The following ITFG1 variants were observed in gnomAD, a reference collection of about 807,000 sequenced individuals.
ITFG1 encodes the protein integrin alpha FG-GAP repeat containing 1.
ITFG1 carries 34 observed loss-of-function variants against 81.8 expected under a neutral mutation model. The observed-to-expected ratio is 0.42, with a 90% confidence interval of 0.32 to 0.55. The LOEUF is 0.55. Among genes scored for constraint, ITFG1 ranks in the 20% least tolerant of loss-of-function variants. ITFG1 has a pLI of 0.17. For synonymous variants in ITFG1, 285 were observed against 270.6 expected (o/e 1.05, Z -0.52); for missense variants, 672 against 755.4 (o/e 0.89, Z 1.29).
chr16:47,266,684 C>A (rs574662685), intron 10 of ITFG1, among the ~76,000 whole-genome samples: 1 of 152,266 alleles, frequency 6.6e-6, no homozygotes, highest in South Asian at 2.1e-4. Flanking sequence ...AAATTTGACA[C>A]AGGATTTTAT....
chr16:47,157,933 A>G (rs185105266), intron 17 of ITFG1, among the ~76,000 whole-genome samples: 61 of 152,340 alleles, frequency 4.0e-4, no homozygotes, highest in African/African-American at 1.4e-3. Flanking sequence ...TTTTTCACAT[A>G]TATCTAAACT....
rs769782922 is a variant in ITFG1, at chr16:47,461,012, C to A, written c.34G>T (p.Ala12Ser). The change falls in exon 1 of 18, where the codon GCC becomes TCC. Residue 12 changes from alanine (A) to serine (S), a missense_variant. Physicochemically the swap from Ala to Ser is moderately conservative, Grantham distance 99 (BLOSUM62 1). Coordinates refer to ENST00000320640, the MANE Select transcript of ITFG1 (RefSeq NM_030790.5). ...CCTGCGAGGAGCGGCGAGAAGAGGG[C>A]CCAGGAGCTCGGGAGCCGGCCCGCC... ...AAAGRLPSSW[A>S]LFSPLLAGLA... 1.3e-6 allele frequency: 2 copies of A among 1,552,890 alleles called. No homozygotes were observed. The highest frequency in any genetic ancestry group is 8.7e-7 in the Non-Finnish European group (1 of 1,150,062).
chr16:47,396,244 A>G, intron 6 of ITFG1: 1 of 782,920 alleles, frequency 1.3e-6, no homozygotes, highest in Non-Finnish European at 1.5e-6. Flanking sequence ...GAGTAGGTAC[A>G]GCTGTTAGCT....
intron 6 of ITFG1, among the ~76,000 whole-genome samples, chr16:47,391,183 C>T (rs1968525650): frequency 6.6e-6 from 1 of 152,086 alleles, no homozygotes; most frequent in Non-Finnish European, 1.5e-5. Flanking sequence ...GATCAGGTTA[C>T]TCAGGGAAAT....
intron 8 of ITFG1, among the ~76,000 whole-genome samples, chr16:47,349,954 A>G (rs1421059271): frequency 1.3e-5 from 2 of 152,244 alleles, no homozygotes; most frequent in African/African-American, 2.4e-5. Context: ...CTGCTCCTGA[A>G]TGACTACTAG....
chr16:47,193,055 T>C (rs1965312321), intron 14 of ITFG1, among the ~76,000 whole-genome samples: 1 of 152,184 alleles, frequency 6.6e-6, no homozygotes, highest in South Asian at 2.1e-4. Flanking sequence ...TCTTCATTCT[T>C]TGATGGATCT....
intron 8 of ITFG1, among the ~76,000 whole-genome samples, chr16:47,319,220 C>T (rs772397888): frequency 1.1e-4 from 16 of 152,154 alleles, no homozygotes; most frequent in Non-Finnish European, 2.2e-4. Flanking sequence ...ACTACAATCT[C>T]ATCACAAAAG....
intron 9 of ITFG1, chr16:47,312,122 T>C (rs1465745210): frequency 2.0e-5 from 3 of 152,228 alleles, no homozygotes; most frequent in African/African-American, 7.2e-5. Context: ...AAATGAGCTT[T>C]GGGAATCCCT....
At chr16:47,291,467 T>C (rs1300179055) in intron 10 of ITFG1, among the ~76,000 whole-genome samples, 1 of 152,206 alleles carries the variant, frequency 6.6e-6, no homozygotes, top group African/African-American at 2.4e-5. Context: ...GATTCCTGAA[T>C]TGAAACGTCC....
chr16:47,249,205 G>A (rs1225010210), intron 12 of ITFG1, among the ~76,000 whole-genome samples: 1 of 152,196 alleles, frequency 6.6e-6, no homozygotes, highest in African/African-American at 2.4e-5. Flanking sequence ...ATCACTTGAA[G>A]TCAGGAGTTT....
rs1359996189 is a variant in ITFG1 at position 47,186,806 on chromosome 16, A to T, written c.1454-24142T>A. ...AAATAAAGGGTATTCAATTAGGAAA[A>T]GAGGAAGTCAAATTGTCCCTGTTTG... On this transcript the variant is annotated intron_variant, in intron 14 of 17. Coordinates refer to ENST00000320640, the MANE Select transcript of ITFG1 (RefSeq NM_030790.5). Among the ~76,000 whole-genome samples, 3 of 152,206 alleles carry T rather than the reference A, an allele frequency of 2.0e-5. No homozygotes were observed. In the East Asian group the frequency reaches 5.8e-4, roughly 29 times the overall value.
At chr16:47,327,211 A>C (rs968508061) in intron 8 of ITFG1, among the ~76,000 whole-genome samples, 1 of 152,242 alleles carries the variant, frequency 6.6e-6, no homozygotes, top group African/African-American at 2.4e-5. Context: ...CCTGACAAAA[A>C]CAAGCAAAGG....
chr16:47,163,954 TACAC>T (rs796283043), intron 14 of ITFG1, among the ~76,000 whole-genome samples: 26 of 96,808 alleles, frequency 2.7e-4, no homozygotes, highest in African/African-American at 6.1e-4. Flanking sequence ...CACACACACA[TACAC>T]ACACACACAC....
chr16:47,247,229 T>C (rs1966011740), intron 12 of ITFG1, among the ~76,000 whole-genome samples: 2 of 151,904 alleles, frequency 1.3e-5, no homozygotes, highest in South Asian at 4.1e-4. Flanking sequence ...TTTATTCTCA[T>C]TTTTTCCCCT....
At chr16:47,206,811 T>C (rs2151522636) in intron 14 of ITFG1, among the ~76,000 whole-genome samples, 1 of 152,310 alleles carries the variant, frequency 6.6e-6, no homozygotes, top group South Asian at 2.1e-4. Context: ...CATGTTAGTG[T>C]GAGCTGCTGG....
At chr16:47,325,637 G>A (rs1967526074) in intron 8 of ITFG1, among the ~76,000 whole-genome samples, 2 of 151,906 alleles carry the variant, frequency 1.3e-5, no homozygotes, top group Admixed American at 1.3e-4. Context: ...AATGATAAAG[G>A]GGATATCACC....
At chr16:47,232,908 T>C (rs1965831564) in intron 13 of ITFG1, among the ~76,000 whole-genome samples, 1 of 152,136 alleles carries the variant, frequency 6.6e-6, no homozygotes, top group Non-Finnish European at 1.5e-5. Flanking sequence ...CCCAAAGTGC[T>C]GGGGTTACAA....
intron 10 of ITFG1, among the ~76,000 whole-genome samples, chr16:47,266,487 G>C (rs894989627): frequency 1.3e-5 from 2 of 152,166 alleles, no homozygotes; most frequent in Non-Finnish European, 2.9e-5. Context: ...CAAAGAACTG[G>C]AATTACAGGC....
chr16:47,381,196 T>C (rs1596945585), intron 6 of ITFG1, among the ~76,000 whole-genome samples: 1 of 152,198 alleles, frequency 6.6e-6, no homozygotes, highest in African/African-American at 2.4e-5. Flanking sequence ...GAAGTCTAAA[T>C]GAACTAAATC....
Sources: gnomAD v4.1 joint callset for allele counts (sites outside exome capture counted in the v4.1 genomes callset) on GRCh38, gnomAD v4.1.1 for gene constraint, MANE v1.5 for transcripts, NCBI Gene and HGNC (gene_info 2026-07-23, HGNC 2026-07-21) for gene names.